Variants in GFRAL observed in about 807,000 individuals in gnomAD.
GFRAL encodes GDNF family receptor alpha-like.
GFRAL carries 36 observed loss-of-function variants against 45.4 expected under a neutral mutation model. The observed-to-expected ratio is 0.79, with a 90% confidence interval of 0.61 to 1.05. The LOEUF (loss-of-function observed/expected upper bound fraction) is 1.05. GFRAL is among the 50% of genes least tolerant of loss of function. The pLI is 0.00. For missense variants in GFRAL, 507 were observed against 467.5 expected (o/e 1.08, Z -0.78); for synonymous variants, 166 against 154.1 (o/e 1.08, Z -0.57).
intron 5 of GFRAL, among the ~76,000 whole-genome samples, chr6:55,356,333 T>C (rs925389463): frequency 6.6e-6 from 1 of 151,746 alleles, no homozygotes; most frequent in Non-Finnish European, 1.5e-5. Flanking sequence ...TTCAGCATCA[T>C]GTCCCAGGTT....
intron 6 of GFRAL, among the ~76,000 whole-genome samples, chr6:55,380,303 G>A (rs1424799299): frequency 1.3e-5 from 2 of 151,898 alleles, no homozygotes. Flanking sequence ...AACTCTATTA[G>A]TAACAATCTT....
chr6:55,353,672 G>A (rs981485839), intron 5 of GFRAL, among the ~76,000 whole-genome samples: 3 of 151,984 alleles, frequency 2.0e-5, no homozygotes, highest in Admixed American at 6.6e-5. Context: ...ACATTTCATT[G>A]ATTCTAAGAT....
chr6:55,363,434 CTT>C (rs36074077), intron 6 of GFRAL, among the ~76,000 whole-genome samples: 67,065 of 147,152 alleles, frequency 0.46, 15,228 homozygotes, highest in East Asian at 0.62. Context: ...TAGCTTAATT[CTT>C]TTTTTTTTTT....
chr6:55,359,636 T>C (rs937645365), intron 6 of GFRAL, among the ~76,000 whole-genome samples: 2 of 151,956 alleles, frequency 1.3e-5, no homozygotes, highest in Non-Finnish European at 2.9e-5. Flanking sequence ...GGCTGTTTGG[T>C]CCAAGGTGGT....
chr6:55,382,843 G>A (rs1274122092), intron 6 of GFRAL, among the ~76,000 whole-genome samples: 1 of 151,818 alleles, frequency 6.6e-6, no homozygotes, highest in African/African-American at 2.4e-5. Context: ...AAGAATGTTG[G>A]TACAAAAATT....
intron 6 of GFRAL, among the ~76,000 whole-genome samples, chr6:55,369,128 T>G (rs374822329): frequency 6.7e-6 from 1 of 150,078 alleles, no homozygotes. Context: ...AGCCAGGTGC[T>G]GGATAGAATC....
chr6:55,398,589 G>A (rs1032769), intron 6 of GFRAL, among the ~76,000 whole-genome samples: 40,004 of 152,064 alleles, frequency 0.26, 6,579 homozygotes, highest in Admixed American at 0.42. Context: ...TTATGAACTG[G>A]TCACTCTAAA....
chr6:55,401,895 T>G lies in GFRAL; in HGVS notation c.*42T>G, dbSNP rs1404798035. On this transcript the variant is annotated 3_prime_UTR_variant, in exon 9 of 9. Transcript: ENST00000340465. ...GACCTATAACAATCACTCTTTTCTC[T>G]GCTTTTCTTCTTTCCTCTTTTCTTC... 9.3e-7 allele frequency: 1 copy of G among 1,079,656 alleles called. No individual in the cohort carries two copies. The highest frequency in any genetic ancestry group is 1.4e-6 in the Non-Finnish European group (1 of 698,692). The allele number at this position is 1,079,656 out of a possible 1,614,324, so 66.9% of individuals were successfully genotyped here.
At chr6:55,329,389 T>G (rs560093899) in intron 1 of GFRAL, among the ~76,000 whole-genome samples, 3 of 152,294 alleles carry the variant, frequency 2.0e-5, no homozygotes, top group African/African-American at 7.2e-5. Context: ...TAAGTGATTA[T>G]TACTCTGAAG....
At chr6:55,363,063 AAG>A (rs1768299162) in intron 6 of GFRAL, among the ~76,000 whole-genome samples, 1 of 151,350 alleles carries the variant, frequency 6.6e-6, no homozygotes, top group South Asian at 2.1e-4. Flanking sequence ...GAGGAGGAGA[AAG>A]AGGATTAAGA....
At chr6:55,347,231 G>A (rs1768055591) in intron 3 of GFRAL, among the ~76,000 whole-genome samples, 1 of 152,108 alleles carries the variant, frequency 6.6e-6, no homozygotes. Flanking sequence ...AGGTATATGT[G>A]CACATGAAAT....
At chr6:55,401,294 T>C (rs1768892939) in intron 8 of GFRAL, among the ~76,000 whole-genome samples, 1 of 152,056 alleles carries the variant, frequency 6.6e-6, no homozygotes, top group African/African-American at 2.4e-5. Context: ...TTTAAAGCCA[T>C]CATAAAAAGA....
Position 55,401,910 on chromosome 6 carries a change from C to A in GFRAL, c.*57C>A. On this transcript the variant is annotated 3_prime_UTR_variant, in exon 9 of 9. Coordinates refer to ENST00000340465, the MANE Select transcript of GFRAL (RefSeq NM_207410.2). ...CTCTTTTCTCTGCTTTTCTTCTTTC[C>A]TCTTTTCTTCTCTCCTCTCCTCTCC... The A allele has an allele frequency of 1.1e-6, 1 of 900,892 alleles. No individual in the cohort carries two copies. Among genetic ancestry groups the A allele is most frequent in the Non-Finnish European group, 1.8e-6 (1 of 540,752 alleles). 55.8% of individuals were successfully genotyped at this position (900,892 alleles called of 1,614,324 possible). A position where few individuals can be genotyped will look rare whatever the true frequency, so the allele number is the denominator to read the frequency against.
chr6:55,329,279 T>C (rs1292351904), intron 1 of GFRAL, among the ~76,000 whole-genome samples: 2 of 151,950 alleles, frequency 1.3e-5, no homozygotes, highest in African/African-American at 4.8e-5. Context: ...AAGAAGCTTG[T>C]TCAACCAAAA....
chr6:55,355,016 T>C (rs1237538081), intron 5 of GFRAL, among the ~76,000 whole-genome samples: 2 of 151,970 alleles, frequency 1.3e-5, no homozygotes, highest in Non-Finnish European at 2.9e-5. Flanking sequence ...TATATTTTTA[T>C]ATATTAACTT....
chr6:55,384,498 G>A (rs1180949750), intron 6 of GFRAL, among the ~76,000 whole-genome samples: 1 of 152,004 alleles, frequency 6.6e-6, no homozygotes, highest in East Asian at 1.9e-4. Context: ...AACAACTGAT[G>A]GGACAGATAA....
In GFRAL at chr6:55,350,122, A is replaced by G; in HGVS notation, c.347A>G (p.Asn116Ser). ...GTGAAAGAGGATAAATTCAAATGGA[A>G]TCTAACTACACGTTCCCATCATGGT... ...DNVKEDKFKW[N>S]LTTRSHHGFK... is the part of the protein sequence containing the mutation. Residue 116 changes from asparagine to serine, a missense_variant, in exon 4 of 9, where the codon AAT becomes AGT. Coordinates refer to ENST00000340465, the MANE Select transcript of GFRAL (RefSeq NM_207410.2). The G allele has an allele frequency of 6.5e-7, 1 of 1,539,914 alleles. No homozygotes were observed. Among genetic ancestry groups the G allele is most frequent in the Non-Finnish European group, 9.0e-7 (1 of 1,113,738 alleles).
At chr6:55,379,379 C>T (rs541788980) in intron 6 of GFRAL, among the ~76,000 whole-genome samples, 2 of 151,816 alleles carry the variant, frequency 1.3e-5, no homozygotes, top group South Asian at 4.1e-4. Flanking sequence ...GCCTTTAAAA[C>T]CATTATGTTG....
chr6:55,336,616 A>T (rs536843162), intron 3 of GFRAL, among the ~76,000 whole-genome samples: 35 of 152,326 alleles, frequency 2.3e-4, no homozygotes, highest in Non-Finnish European at 4.7e-4. Flanking sequence ...AAATGCAATT[A>T]TTCTATTTTT....
Sources: gnomAD v4.1 joint callset for allele counts (sites outside exome capture counted in the v4.1 genomes callset) on GRCh38, gnomAD v4.1.1 for gene constraint, MANE v1.5 for transcripts, NCBI Gene and HGNC (gene_info 2026-07-23, HGNC 2026-07-21) for gene names.